Variants in POLR3B observed in about 807,000 individuals in gnomAD.
The protein encoded by POLR3B is RNA polymerase III subunit B.
In POLR3B, 96 loss-of-function variants were observed where a neutral mutation model predicts 147.4. The observed-to-expected ratio is 0.65, with a 90% CI of 0.55 to 0.77. POLR3B has a LOEUF of 0.77. Among genes scored for constraint, POLR3B ranks in the 30% least tolerant of loss-of-function variants. The pLI, the probability that POLR3B is intolerant of heterozygous loss-of-function variation, is 0.00. For synonymous variants in POLR3B, 461 were observed against 485.9 expected, an observed-to-expected ratio of 0.95 and a Z score of 0.67; for missense variants, 1,036 against 1,413.5, an observed-to-expected ratio of 0.73 and a Z score of 4.28.
intron 1 of POLR3B, among the ~76,000 whole-genome samples, chr12:106,359,438 TCTC>T (rs1464653725): frequency 3.3e-5 from 5 of 151,206 alleles, no homozygotes; most frequent in African/African-American, 1.2e-4. Context: ...TTCAAGCAAT[TCTC>T]CTGCCTCAGC....
intron 9 of POLR3B, among the ~76,000 whole-genome samples, chr12:106,387,598 T>G (rs2036858566): frequency 6.6e-6 from 1 of 152,244 alleles, no homozygotes; most frequent in Non-Finnish European, 1.5e-5. Flanking sequence ...TGGTCACTTT[T>G]ATTGGTCTCC....
At chr12:106,461,100 T>C (rs1292830377) in intron 22 of POLR3B, among the ~76,000 whole-genome samples, 1 of 149,206 alleles carries the variant, frequency 6.7e-6, no homozygotes, top group Non-Finnish European at 1.5e-5. Context: ...AAGAAATACT[T>C]TTTTTTTTTA....
chr12:106,395,865 G>T (rs1467136164), intron 10 of POLR3B, among the ~76,000 whole-genome samples: 1 of 152,108 alleles, frequency 6.6e-6, no homozygotes, highest in East Asian at 1.9e-4. Flanking sequence ...AGCTACTCGG[G>T]AGGCTGAATC....
intron 27 of POLR3B, 63 bp from the exon 28 acceptor site, chr12:106,509,356 TC>T: frequency 1.3e-6 from 2 of 1,572,682 alleles, no homozygotes; most frequent in Non-Finnish European, 1.7e-6. Flanking sequence ...CATTCTCACT[TC>T]CTACGTGGAG....
At chr12:106,465,697 G>A (rs989128596) in intron 23 of POLR3B, among the ~76,000 whole-genome samples, 1 of 152,164 alleles carries the variant, frequency 6.6e-6, no homozygotes, top group Non-Finnish European at 1.5e-5. Context: ...CGACTTATGA[G>A]TGAGAACATG....
intron 10 of POLR3B, among the ~76,000 whole-genome samples, chr12:106,400,360 C>T (rs1420680222): frequency 1.3e-5 from 2 of 152,132 alleles, no homozygotes; most frequent in Non-Finnish European, 2.9e-5. Context: ...TAGAAAGAGA[C>T]TTAGACTCCC....
intron 7 of POLR3B, 37 bp from the exon 8 acceptor site, chr12:106,378,230 A>G (rs756274726): frequency 9.6e-6 from 12 of 1,243,602 alleles, no homozygotes. Context: ...CTGGTTGAGG[A>G]ATAAATGATG....
chr12:106,425,888 A>G (rs1034041893), intron 12 of POLR3B, among the ~76,000 whole-genome samples: 2 of 152,156 alleles, frequency 1.3e-5, no homozygotes, highest in Non-Finnish European at 2.9e-5. Context: ...TGAACCTTAT[A>G]TAAATGGAAT....
chr12:106,438,500 T>TC (rs1565896766), intron 18 of POLR3B, among the ~76,000 whole-genome samples: 2 of 151,188 alleles, frequency 1.3e-5, no homozygotes, highest in African/African-American at 4.9e-5. Flanking sequence ...ACCATATATA[T>TC]GTTTTTTTTT....
intron 23 of POLR3B, among the ~76,000 whole-genome samples, chr12:106,488,950 T>G (rs1288562179): frequency 6.6e-6 from 1 of 152,176 alleles, no homozygotes; most frequent in African/African-American, 2.4e-5. Flanking sequence ...CCAGATTTCC[T>G]CTTCTTTTGC....
At chr12:106,393,709 C>CA (rs1477659835) in intron 10 of POLR3B, among the ~76,000 whole-genome samples, 3 of 151,406 alleles carry the variant, frequency 2.0e-5, no homozygotes, top group African/African-American at 7.3e-5. Context: ...CCTGCTCAGG[C>CA]ACTCCTGGTT....
intron 23 of POLR3B, among the ~76,000 whole-genome samples, chr12:106,478,702 G>C (rs1250782367): frequency 6.6e-6 from 1 of 151,974 alleles, no homozygotes; most frequent in East Asian, 1.9e-4. Context: ...CTCGTAACTG[G>C]ACATAATTTT....
intron 12 of POLR3B, among the ~76,000 whole-genome samples, chr12:106,416,719 T>A (rs2136943171): frequency 6.6e-6 from 1 of 152,300 alleles, no homozygotes; most frequent in Non-Finnish European, 1.5e-5. Context: ...AACTCCTCCA[T>A]GGAATTCATA....
intron 10 of POLR3B, among the ~76,000 whole-genome samples, chr12:106,400,613 A>G (rs1346968211): frequency 1.3e-5 from 2 of 152,244 alleles, no homozygotes; most frequent in African/African-American, 4.8e-5. Context: ...AACAGAAATT[A>G]TAACAAACTG....
intron 6 of POLR3B, among the ~76,000 whole-genome samples, chr12:106,374,738 G>A (rs1038839251): frequency 5.3e-5 from 8 of 152,018 alleles, no homozygotes; most frequent in Non-Finnish European, 1.5e-5. Flanking sequence ...GGATGGTCTC[G>A]ATCCCTTGAC....
chr12:106,477,890 C>CTT (rs1449168548), intron 23 of POLR3B, among the ~76,000 whole-genome samples: 3 of 72,280 alleles, frequency 4.2e-5, no homozygotes, highest in South Asian at 5.5e-4. Context: ...TGGCTCCTCC[C>CTT]CTTTTTTTTT....
chr12:106,397,117 C>G (rs1298836916), intron 10 of POLR3B, among the ~76,000 whole-genome samples: 2 of 149,646 alleles, frequency 1.3e-5, no homozygotes, highest in East Asian at 3.9e-4. Context: ...AGAGTGAGAC[C>G]CTGTCTCAAA....
chr12:106,509,421 T>A lies in POLR3B; in HGVS notation c.3274T>A (p.Cys1092Ser). The change falls in exon 28 of 28, where the codon TGC becomes AGC. Residue 1092 changes from cysteine (C) to serine (S), a missense_variant and splice_region_variant. Physicochemically the swap from Cys to Ser is moderately radical, Grantham distance 112. Around this residue, in one of 12 missense-constraint regions of POLR3B, gnomAD observed 69 missense variants for 89.8 expected, o/e 0.77. Coordinates refer to ENST00000228347, the MANE Select transcript of POLR3B (RefSeq NM_018082.6). Reference protein sequence around the residue: ...QCGLLGYSGWCHYCKSSCHVS... With the variant: ...QCGLLGYSGWSHYCKSSCHVS... ...AACGCTTGCTGACTTGCGTTTCAGGTGCCATTACTGCAAGTCATCCTGCCA... is the reference window on the plus strand; with the variant it reads ...AACGCTTGCTGACTTGCGTTTCAGGAGCCATTACTGCAAGTCATCCTGCCA... The A allele has an allele frequency of 6.2e-7, 1 of 1,613,758 alleles. No individual in the cohort carries two copies. Among genetic ancestry groups the A allele is most frequent in the Non-Finnish European group, 8.5e-7 (1 of 1,179,736 alleles).
chr12:106,378,445 CTA>C (rs1478582879), intron 8 of POLR3B, 61 bp downstream of exon 8: 6 of 1,015,224 alleles, frequency 5.9e-6, no homozygotes, highest in Non-Finnish European at 9.4e-6. Flanking sequence ...TCCTAAATGG[CTA>C]TGTTTCAATA....
Sources: allele counts gnomAD v4.1 joint callset (sites outside exome capture counted in the v4.1 genomes callset), GRCh38; gene constraint gnomAD v4.1.1; regional missense constraint gnomAD v4.1.1; transcripts MANE v1.5; gene names NCBI Gene and HGNC (gene_info 2026-07-23, HGNC 2026-07-21).